NGEF: variants seen among roughly 807,000 people sequenced by gnomAD.
NGEF encodes the protein ephexin-1.
A neutral mutation model predicts 80.9 loss-of-function variants in NGEF; 31 were observed. That is an observed-to-expected ratio of 0.38 (90% confidence interval 0.29 to 0.52). NGEF has a LOEUF of 0.52. Among genes scored for constraint, NGEF ranks in the 20% least tolerant of loss-of-function variants. NGEF has a pLI of 0.84. For synonymous variants in NGEF, 371 were observed against 370.2 expected, an observed-to-expected ratio of 1.00 and a Z score of -0.03; for missense variants, 709 against 926.2, an observed-to-expected ratio of 0.77 and a Z score of 3.04.
At position 232,900,708 on chromosome 2, in the gene NGEF, T is replaced by TCACTCA. The variant is rs1553547114; in HGVS notation, c.829-5793_829-5792insTGAGTG. Among the ~76,000 whole-genome samples the TCACTCA allele has an allele frequency of 1.1e-3, 105 of 95,956 alleles. 11 individuals carry two copies. Among genetic ancestry groups the TCACTCA allele is most frequent in the African/African-American group, 2.6e-3 (54 of 20,836 alleles). 63.0% of individuals were successfully genotyped at this position (95,956 alleles called of 152,430 possible). On this transcript the variant is annotated intron_variant, in intron 5 of 14. Coordinates refer to ENST00000264051, the MANE Select transcript of NGEF (RefSeq NM_019850.3). ...CACTCATATACACGTTCACTCACAT[T>TCACTCA]CACACACACGCTCTCAGTCACTCAT... is the stretch of plus-strand genomic sequence containing the variant.
intron 3 of NGEF, among the ~76,000 whole-genome samples, chr2:232,939,175 CAAAAAAAAA>C (rs60357492): frequency 1.5e-5 from 1 of 66,074 alleles, no homozygotes; most frequent in African/African-American, 6.1e-5. Flanking sequence ...GACTCAGTCT[CAAAAAAAAA>C]AAAAAAAAAA....
intron 5 of NGEF, among the ~76,000 whole-genome samples, chr2:232,901,641 C>T (rs1241978773): frequency 6.6e-6 from 1 of 152,212 alleles, no homozygotes; most frequent in Non-Finnish European, 1.5e-5. Flanking sequence ...CCCTTCCCCA[C>T]AAGGGTTCTG....
At chr2:232,888,498 T>C (rs1221063588) in intron 8 of NGEF, among the ~76,000 whole-genome samples, 1 of 150,774 alleles carries the variant, frequency 6.6e-6, no homozygotes, top group Non-Finnish European at 1.5e-5. Flanking sequence ...TACACACGTG[T>C]ACAAACATGC....
chr2:232,900,152 ACAGT>A lies in NGEF; in HGVS notation c.829-5240_829-5237del, dbSNP rs1213616433. 2.8e-4 allele frequency among the ~76,000 whole-genome samples: 37 copies of A among 130,706 alleles called. 4 individuals are homozygous for A. Among genetic ancestry groups the A allele is most frequent in the African/African-American group, 9.0e-4 (30 of 33,314 alleles). The allele number at this position is 130,706 out of a possible 152,430, so 85.7% of individuals were successfully genotyped here. On this transcript the variant is annotated intron_variant, in intron 5 of 14. Coordinates refer to ENST00000264051, the MANE Select transcript of NGEF (RefSeq NM_019850.3). ...CTCACATTCTCACACACACACGCTC[ACAGT>A]CACTCATATACACGTTCACTCACAT...
intron 3 of NGEF, among the ~76,000 whole-genome samples, chr2:232,951,102 G>A (rs936695734): frequency 6.6e-6 from 1 of 152,186 alleles, no homozygotes; most frequent in Non-Finnish European, 1.5e-5. Flanking sequence ...GCTAGGAAAG[G>A]TGTGAAGACA....
chr2:232,920,583 G>A lies in NGEF; in HGVS notation c.529C>T (p.Leu177Phe). The change falls in exon 5 of 15, where the codon CTC (leucine) becomes TTC (phenylalanine). Residue 177 changes from leucine to phenylalanine, a missense_variant and splice_region_variant. By Grantham distance (22) the Leu-to-Phe change is conservative. Transcript: ENST00000264051. ...TTATCTCGGTATTCCTGATACAGGA[G>A]CCCTGAAATCAAAGAGTTGTAAAAA... is the stretch of plus-strand genomic sequence containing the variant. ...SWRNLIEQIG[L>F]LYQEYRDKST... is the part of the protein sequence containing the mutation. 6.6e-7 allele frequency: 1 copy of A among 1,511,412 alleles called. No homozygotes were observed. Among genetic ancestry groups the A allele is most frequent in the Non-Finnish European group, 8.9e-7 (1 of 1,129,378 alleles). 93.6% of individuals were successfully genotyped at this position (1,511,412 alleles called of 1,614,324 possible).
rs1691906192 is a variant in NGEF, at chr2:232,892,219, C to T, written c.1142+679G>A. ...ACATCCAAATGCCCAAAGACTCAGGCTTGAAACGTGCACCATGAACTCCAT... is the reference window on the plus strand; with the variant it reads ...ACATCCAAATGCCCAAAGACTCAGGTTTGAAACGTGCACCATGAACTCCAT... On this transcript the variant is annotated intron_variant, in intron 7 of 14. Transcript: ENST00000264051. This position sits in a 1 kb window ranked among gnomAD's most constrained non-coding sequence, Gnocchi z 4.0. Among the ~76,000 whole-genome samples, 1 of 152,116 alleles carries T rather than the reference C, an allele frequency of 6.6e-6. No homozygotes were observed. The highest frequency in any genetic ancestry group is 2.4e-5 in the African/African-American group (1 of 41,406).
rs1691494342 is a variant in NGEF, at chr2:232,881,255, G to C, written c.1838-5C>G. 3 of 1,604,472 alleles carry C rather than the reference G, an allele frequency of 1.9e-6. No homozygotes were observed. Among genetic ancestry groups the C allele is most frequent in the Admixed American group, 1.7e-5 (1 of 60,008 alleles). On this transcript the variant is annotated splice_region_variant and splice_polypyrimidine_tract_variant and intron_variant, in intron 13 of 14. Coordinates refer to ENST00000264051, the MANE Select transcript of NGEF (RefSeq NM_019850.3). ...CGCACTGGACCTGGGGGCAGTCTGA[G>C]GGACAAGAGGCACGGGCACATCCCC...
At chr2:233,008,819 T>G (rs1473534203) in intron 1 of NGEF, among the ~76,000 whole-genome samples, 1 of 152,118 alleles carries the variant, frequency 6.6e-6, no homozygotes, top group Non-Finnish European at 1.5e-5. Flanking sequence ...TTTTCTTTTT[T>G]GAGACGGAGT....
chr2:232,922,669 T>C (rs1378346689), intron 4 of NGEF, among the ~76,000 whole-genome samples: 1 of 152,224 alleles, frequency 6.6e-6, no homozygotes, highest in Non-Finnish European at 1.5e-5. Context: ...TTACAGAGGT[T>C]TAAAGAAACC....
chr2:232,977,206 C>T (rs1270646451), intron 1 of NGEF, among the ~76,000 whole-genome samples: 1 of 152,118 alleles, frequency 6.6e-6, no homozygotes, highest in Non-Finnish European at 1.5e-5. Context: ...AACGGGGACC[C>T]CTGCACTTGC....
At chr2:232,986,123 A>T (rs1380014792) in intron 1 of NGEF, among the ~76,000 whole-genome samples, 1 of 152,186 alleles carries the variant, frequency 6.6e-6, no homozygotes, top group Non-Finnish European at 1.5e-5. Flanking sequence ...AATGCTCAAG[A>T]TCACTGATCA....
chr2:232,981,532 C>T (rs925554624), intron 1 of NGEF, among the ~76,000 whole-genome samples: 1 of 152,116 alleles, frequency 6.6e-6, no homozygotes, highest in African/African-American at 2.4e-5. Context: ...GCAGGCCCTG[C>T]ACTGGATGGA....
Position 232,892,560 on chromosome 2 carries a change from T to G in NGEF, c.1142+338A>C, listed in dbSNP as rs1456038188. ...AGCCCCGTCTCTGATGTCCTGGGCT[T>G]TGAATTGTCCACATGACCTCACTTG... is the stretch of plus-strand genomic sequence containing the variant. On this transcript the variant is annotated intron_variant, in intron 7 of 14. Transcript: ENST00000264051. This position sits in a 1 kb window ranked among gnomAD's most constrained non-coding sequence, Gnocchi z 4.0. 6.6e-6 allele frequency among the ~76,000 whole-genome samples: 1 copy of G among 152,150 alleles called. No individual in the cohort carries two copies. The highest frequency in any genetic ancestry group is 1.5e-5 in the Non-Finnish European group (1 of 68,026).
chr2:232,900,159 C>T (rs1286554338), intron 5 of NGEF, among the ~76,000 whole-genome samples: 1 of 141,250 alleles, frequency 7.1e-6, no homozygotes, highest in Non-Finnish European at 1.5e-5. Context: ...CTCACAGTCA[C>T]TCATATACAC....
chr2:232,905,638 A>T (rs1298223676), intron 5 of NGEF: 1 of 336,914 alleles, frequency 3.0e-6, no homozygotes, highest in Admixed American at 3.4e-5. Flanking sequence ...CCCGGCCGCC[A>T]TCCCACCTGG....
rs769360646 is a variant in NGEF at position 232,879,629 on chromosome 2, T to C, written c.1993A>G (p.Ser665Gly). The change falls in exon 15 of 15, where the codon AGC (serine) becomes GGC (glycine). Residue 665 changes from serine (S) to glycine (G), a missense_variant. By Grantham distance (56) the Ser-to-Gly change is moderately conservative. Around this residue, in one of 2 missense-constraint regions of NGEF, gnomAD observed 426 missense variants for 622.9 expected, o/e 0.68. Coordinates refer to ENST00000264051, the MANE Select transcript of NGEF (RefSeq NM_019850.3). ...LHDQERGWFP[S>G]SMTEEILNPK... ...TTCAAGATCTCCTCAGTCATGGAGCTGGGGAACCAGCCTCTCTCCTGGTCG... is the reference window on the plus strand; with the variant it reads ...TTCAAGATCTCCTCAGTCATGGAGCCGGGGAACCAGCCTCTCTCCTGGTCG... The C allele has an allele frequency of 6.2e-7, 1 of 1,613,402 alleles. No individual in the cohort carries two copies. Among genetic ancestry groups the C allele is most frequent in the Non-Finnish European group, 8.5e-7 (1 of 1,179,932 alleles).
intron 3 of NGEF, among the ~76,000 whole-genome samples, chr2:232,956,983 A>G (rs1199007411): frequency 6.6e-6 from 1 of 152,014 alleles, no homozygotes; most frequent in African/African-American, 2.4e-5. Context: ...GGGGGAAAAA[A>G]GATTTGGCAT....
chr2:232,909,144 C>CT (rs1245051508), intron 5 of NGEF, among the ~76,000 whole-genome samples: 1 of 152,132 alleles, frequency 6.6e-6, no homozygotes, highest in Non-Finnish European at 1.5e-5. Context: ...TGTGTCTTGC[C>CT]TTTATTGCCA....
Sources: allele counts gnomAD v4.1 joint callset (sites outside exome capture counted in the v4.1 genomes callset), GRCh38; gene constraint gnomAD v4.1.1; regional missense constraint gnomAD v4.1.1; non-coding constraint Gnocchi (gnomAD v3.1); transcripts MANE v1.5; gene names NCBI Gene and HGNC (gene_info 2026-07-23, HGNC 2026-07-21).